LOXL2: variants seen among roughly 807,000 people sequenced by gnomAD.
LOXL2 encodes the protein lysyl oxidase homolog 2.
Under a neutral mutation model 93.0 loss-of-function variants are expected in LOXL2, and 70 were observed. The observed-to-expected ratio is 0.75, with a 90% CI of 0.62 to 0.92. The LOEUF (loss-of-function observed/expected upper bound fraction) is 0.92, where lower values mean the gene tolerates loss of function less well. LOXL2 is among the 40% of genes least tolerant of loss of function. LOXL2 has a pLI of 0.00. For synonymous variants in LOXL2, 438 were observed against 413.2 expected (o/e 1.06, Z -0.73); for missense variants, 973 against 1,054.9 (o/e 0.92, Z 1.08).
intron 1 of LOXL2, chr8:23,385,810 T>G: frequency 1.6e-6 from 1 of 608,944 alleles, no homozygotes. Flanking sequence ...TTTTATTTGA[T>G]GCAATATATT....
chr8:23,349,435 C>T (rs1440138971), intron 3 of LOXL2, among the ~76,000 whole-genome samples: 1 of 152,096 alleles, frequency 6.6e-6, no homozygotes, highest in African/African-American at 2.4e-5. Context: ...TGTCCAGTGC[C>T]ACCATGTCCC....
chr8:23,327,339 G>C (rs9792301), intron 6 of LOXL2, among the ~76,000 whole-genome samples: 88,995 of 152,076 alleles, frequency 0.59, 28,519 homozygotes, highest in Middle Eastern at 0.73. Flanking sequence ...GATGTGGTGT[G>C]AGGCCCTGGG....
intron 4 of LOXL2, among the ~76,000 whole-genome samples, chr8:23,337,859 G>A (rs1803818275): frequency 6.6e-6 from 1 of 152,202 alleles, no homozygotes; most frequent in Non-Finnish European, 1.5e-5. Context: ...GCCTTGGTGA[G>A]GAGCCCCTGA....
intron 1 of LOXL2, among the ~76,000 whole-genome samples, chr8:23,385,406 CCAGCT>C (rs1804744583): frequency 8.0e-6 from 1 of 125,050 alleles, no homozygotes; most frequent in South Asian, 2.7e-4. Context: ...ACCACCACAC[CCAGCT>C]AATTTTTTTT....
chr8:23,305,161 A>G (rs1176181057), intron 10 of LOXL2, among the ~76,000 whole-genome samples: 2 of 152,230 alleles, frequency 1.3e-5, no homozygotes, highest in East Asian at 1.9e-4. Flanking sequence ...AAATGTCTGC[A>G]TCGCTCAGAG....
chr8:23,301,965 C>T lies in LOXL2; in HGVS notation c.2133+62G>A. 1.9e-6 allele frequency: 3 copies of T among 1,595,536 alleles called. No individual in the cohort carries two copies. In the South Asian group the frequency reaches 3.3e-5, roughly 18 times the overall value. On this transcript the variant is annotated intron_variant, in intron 12 of 13. Transcript: ENST00000389131. Reference sequence around the variant, plus strand: ...CTGTGTGGACACCAATGGGAAGGAGCCTGTGGAGGTGGCCTCCCCTCCTCC... The same window carrying T: ...CTGTGTGGACACCAATGGGAAGGAGTCTGTGGAGGTGGCCTCCCCTCCTCC...
chr8:23,387,403 C>T (rs148798651), intron 1 of LOXL2, among the ~76,000 whole-genome samples: 305 of 152,256 alleles, frequency 2.0e-3, no homozygotes, highest in Non-Finnish European at 3.5e-3. Context: ...ATCAGCTTAC[C>T]CTCCCCAGGG....
At chr8:23,327,927 G>A (rs925179325) in intron 6 of LOXL2, among the ~76,000 whole-genome samples, 46 of 152,192 alleles carry the variant, frequency 3.0e-4, no homozygotes, top group African/African-American at 1.1e-3. Context: ...CTGTCAGGGA[G>A]GGAGTGTGTG....
At chr8:23,329,509 C>G (rs2117167504) in intron 5 of LOXL2, among the ~76,000 whole-genome samples, 1 of 152,282 alleles carries the variant, frequency 6.6e-6, no homozygotes, top group South Asian at 2.1e-4. Flanking sequence ...GTCCACATAC[C>G]CAGGTTTGCA....
At chr8:23,403,673 C>A (rs1306326374) in intron 1 of LOXL2, among the ~76,000 whole-genome samples, 1 of 152,010 alleles carries the variant, frequency 6.6e-6, no homozygotes, top group Non-Finnish European at 1.5e-5. Flanking sequence ...ATTACGGGCG[C>A]TCGGGACGAT....
Position 23,309,775 on chromosome 8 carries a change from C to T in LOXL2, c.1773G>A (p.Thr591=), listed in dbSNP as rs751726787. 1.6e-5 allele frequency: 25 copies of T among 1,603,546 alleles called. No individual in the cohort carries two copies. Among genetic ancestry groups the T allele is most frequent in the Non-Finnish European group, 1.2e-5 (14 of 1,175,462 alleles). ...SASAAQTDPT[T]GYRRLLRFSS... The stretch of plus-strand genomic sequence containing the variant: ...AGAAGCGCAGGAGCCGGCGGTAGCC[C>T]GTGGTGGGGTCGGTCTGCGCGGCTG... Residue 591 remains threonine (T), a synonymous_variant, in exon 10 of 14, where the codon ACG becomes ACA. Coordinates refer to ENST00000389131, the MANE Select transcript of LOXL2 (RefSeq NM_002318.3).
chr8:23,370,930 C>T (rs1418107276), intron 1 of LOXL2: 1 of 152,158 alleles, frequency 6.6e-6, no homozygotes. Flanking sequence ...GAAATAATGG[C>T]CTAGAATTTT....
chr8:23,386,881 G>A (rs886683627), intron 1 of LOXL2, among the ~76,000 whole-genome samples: 2 of 152,178 alleles, frequency 1.3e-5, no homozygotes, highest in South Asian at 2.1e-4. Flanking sequence ...TCACAGGCAC[G>A]CAAGGGTCCG....
At chr8:23,345,931 G>A (rs1803964207) in intron 3 of LOXL2, among the ~76,000 whole-genome samples, 1 of 151,776 alleles carries the variant, frequency 6.6e-6, no homozygotes, top group Admixed American at 6.6e-5. Context: ...AGCCAGGCAT[G>A]GTGGCGGGCG....
intron 3 of LOXL2, among the ~76,000 whole-genome samples, chr8:23,357,569 T>C (rs1449894385): frequency 6.6e-6 from 1 of 150,806 alleles, no homozygotes; most frequent in Non-Finnish European, 1.5e-5. Context: ...TCCAAAATCA[T>C]TTTTTTTTTC....
chr8:23,322,209 T>C lies in LOXL2; in HGVS notation c.1223A>G (p.Asn408Ser), dbSNP rs145891351. 3.7e-5 allele frequency: 59 copies of C among 1,614,098 alleles called. No homozygotes were observed. Among genetic ancestry groups the C allele is most frequent in the Non-Finnish European group, 4.7e-5 (55 of 1,180,018 alleles). Reference sequence around the variant, plus strand: ...GTGGTTGCAGCCCTGAGACTCGGCATTGAACTTGCAGTCTATAATGGACTT... The same window carrying C: ...GTGGTTGCAGCCCTGAGACTCGGCACTGAACTTGCAGTCTATAATGGACTT... ...NEKSIIDCKF[N>S]AESQGCNHEE... The change falls in exon 7 of 14, where the codon AAT becomes AGT. Residue 408 changes from asparagine to serine, a missense_variant. By Grantham distance (46) the Asn-to-Ser change is conservative. Coordinates refer to ENST00000389131, the MANE Select transcript of LOXL2 (RefSeq NM_002318.3).
chr8:23,360,325 CG>C, intron 2 of LOXL2, 60 bp from the exon 3 acceptor site: 2 of 1,328,632 alleles, frequency 1.5e-6, no homozygotes, highest in Non-Finnish European at 1.0e-6. Context: ...TGAGTCTTTG[CG>C]GGGCACCAGT....
At chr8:23,358,910 C>T (rs1040958792) in intron 3 of LOXL2, among the ~76,000 whole-genome samples, 1 of 150,086 alleles carries the variant, frequency 6.7e-6, no homozygotes, top group Non-Finnish European at 1.5e-5. Flanking sequence ...GGTGCGATCT[C>T]AGCTCAGTGC....
intron 3 of LOXL2, among the ~76,000 whole-genome samples, chr8:23,345,597 A>T (rs946601997): frequency 6.6e-6 from 1 of 152,222 alleles, no homozygotes; most frequent in African/African-American, 2.4e-5. Context: ...ACACGCCCAC[A>T]CACATAACCT....
Sources: gnomAD v4.1 joint callset for allele counts (sites outside exome capture counted in the v4.1 genomes callset) on GRCh38, gnomAD v4.1.1 for gene constraint, MANE v1.5 for transcripts, NCBI Gene and HGNC (gene_info 2026-07-23, HGNC 2026-07-21) for gene names.